RGS6: variants seen among roughly 807,000 people sequenced by gnomAD.
RGS6 encodes the protein regulator of G-protein signaling 6.
A neutral mutation model predicts 78.5 loss-of-function variants in RGS6; 30 were observed. The ratio of observed to expected loss-of-function variants is 0.38; its 90% confidence interval spans 0.29 to 0.52. The LOEUF is 0.52. Ranked by LOEUF, RGS6 falls within the 20% of genes least tolerant of loss-of-function variation. The pLI is 0.85. For missense variants in RGS6, 495 were observed against 609.7 expected (o/e 0.81, Z 1.98); for synonymous variants, 206 against 206.0 (o/e 1.00, Z 0.00).
At chr14:72,196,912 T>C (rs1018525239) in intron 2 of RGS6, among the ~76,000 whole-genome samples, 4 of 152,226 alleles carry the variant, frequency 2.6e-5, no homozygotes, top group African/African-American at 9.6e-5. Context: ...GTTTTTGAGA[T>C]CTGTAAATTC....
At chr14:71,945,265 CT>C (rs1460238845) in intron 1 of RGS6, among the ~76,000 whole-genome samples, 3 of 152,344 alleles carry the variant, frequency 2.0e-5, no homozygotes, top group Admixed American at 2.0e-4. Context: ...TATATATTGT[CT>C]GTCTCCCTCT....
chr14:72,108,243 A>G (rs895469937), intron 2 of RGS6, among the ~76,000 whole-genome samples: 4 of 152,112 alleles, frequency 2.6e-5, no homozygotes, highest in South Asian at 2.1e-4. Context: ...AGTACCCTAG[A>G]TACATTAGAT....
At chr14:72,568,692 C>T (rs2097716865), downstream of RGS6, among the ~76,000 whole-genome samples, 2 of 152,198 alleles carry the variant, frequency 1.3e-5, no homozygotes, top group Admixed American at 6.5e-5. Flanking sequence ...TTCCCGCTGC[C>T]CATCTAGATC....
At chr14:72,256,659 C>T (rs762859538) in intron 2 of RGS6, among the ~76,000 whole-genome samples, 1 of 152,106 alleles carries the variant, frequency 6.6e-6, no homozygotes, top group East Asian at 1.9e-4. Flanking sequence ...CTATTATCAT[C>T]CTTGCTTTAA....
chr14:71,984,484 G>GAAAAAAA (rs370779936), intron 2 of RGS6, among the ~76,000 whole-genome samples: 2 of 117,434 alleles, frequency 1.7e-5, no homozygotes, highest in African/African-American at 3.3e-5. Flanking sequence ...GTCTCAAAAA[G>GAAAAAAA]AAAAAAAAAA....
the RGS6 span, among the ~76,000 whole-genome samples, chr14:72,580,276 C>G: frequency 9.7e-4 from 147 of 151,908 alleles, no homozygotes; most frequent in African/African-American, 3.5e-3. Context: ...GAGGACACCA[C>G]TTCCCTAGAC....
intron 3 of RGS6, among the ~76,000 whole-genome samples, chr14:72,424,591 G>A (rs1203057687): frequency 6.6e-6 from 1 of 152,166 alleles, no homozygotes; most frequent in Admixed American, 6.5e-5. Flanking sequence ...AATCATATCT[G>A]TATTAACTTC....
intron 17 of RGS6, among the ~76,000 whole-genome samples, chr14:72,551,802 G>A (rs1445843934): frequency 6.6e-6 from 1 of 152,260 alleles, no homozygotes; most frequent in Non-Finnish European, 1.5e-5. Flanking sequence ...GTGTTGGACT[G>A]TGTCATGCTG....
chr14:72,047,448 C>A (rs36743), intron 2 of RGS6, among the ~76,000 whole-genome samples: 1 of 151,966 alleles, frequency 6.6e-6, no homozygotes, highest in Non-Finnish European at 1.5e-5. Flanking sequence ...GTGAAGCTGG[C>A]GATATGTCCT....
At chr14:72,271,480 G>A (rs1157515085) in intron 2 of RGS6, among the ~76,000 whole-genome samples, 2 of 152,190 alleles carry the variant, frequency 1.3e-5, no homozygotes, top group East Asian at 1.9e-4. Context: ...TTCAAGATGA[G>A]ATTTGGGTGG....
intron 2 of RGS6, among the ~76,000 whole-genome samples, chr14:72,284,599 G>A (rs1567662229): frequency 6.6e-6 from 1 of 152,238 alleles, no homozygotes; most frequent in South Asian, 2.1e-4. Context: ...TTCTGTAGGG[G>A]TGGGGCCCTC....
intron 15 of RGS6, among the ~76,000 whole-genome samples, chr14:72,533,884 C>T (rs1398364377): frequency 6.6e-6 from 1 of 152,154 alleles, no homozygotes; most frequent in African/African-American, 2.4e-5. Flanking sequence ...GGAATCTACT[C>T]CTAATGAAGA....
At chr14:72,350,705 C>G (rs1016497382) in intron 2 of RGS6, among the ~76,000 whole-genome samples, 1 of 152,168 alleles carries the variant, frequency 6.6e-6, no homozygotes. Context: ...GAGAAATAAC[C>G]TTTGTGCTAA....
intron 3 of RGS6, among the ~76,000 whole-genome samples, chr14:72,411,444 T>A (rs2093405846): frequency 6.6e-6 from 1 of 152,240 alleles, no homozygotes; most frequent in Non-Finnish European, 1.5e-5. Flanking sequence ...TGAAGTTGCT[T>A]ATCAGCTTAA....
intron 2 of RGS6, among the ~76,000 whole-genome samples, chr14:72,141,883 A>G (rs1469483854): frequency 7.5e-6 from 1 of 133,442 alleles, no homozygotes; most frequent in Admixed American, 8.0e-5. Flanking sequence ...TAGATTACAC[A>G]TTTTACATTA....
At chr14:71,896,414 C>T in the RGS6 span, among the ~76,000 whole-genome samples, 1 of 152,108 alleles carries the variant, frequency 6.6e-6, no homozygotes, top group Non-Finnish European at 1.5e-5. Flanking sequence ...TCTGTCATGG[C>T]GCTGGTGGGA....
chr14:72,359,022 T>C (rs2080940964), intron 3 of RGS6, among the ~76,000 whole-genome samples: 1 of 152,218 alleles, frequency 6.6e-6, no homozygotes, highest in Non-Finnish European at 1.5e-5. Context: ...CTGATAGTTT[T>C]ATAACGGGCT....
intron 2 of RGS6, among the ~76,000 whole-genome samples, chr14:72,127,616 C>T (rs939407693): frequency 6.6e-5 from 10 of 152,016 alleles, no homozygotes; most frequent in Non-Finnish European, 1.2e-4. Flanking sequence ...TTAAAAAAAA[C>T]CATTTAATTT....
intron 2 of RGS6, among the ~76,000 whole-genome samples, chr14:72,217,353 TG>T (rs1233859927): frequency 2.0e-5 from 3 of 152,198 alleles, no homozygotes; most frequent in Non-Finnish European, 4.4e-5. Context: ...ACAGGAAGAC[TG>T]CCTGGATATT....
Sources: gnomAD v4.1 joint callset for allele counts (sites outside exome capture counted in the v4.1 genomes callset) on GRCh38, gnomAD v4.1.1 for gene constraint, MANE v1.5 for transcripts, NCBI Gene and HGNC (gene_info 2026-07-23, HGNC 2026-07-21) for gene names.